Variants in CENPP observed in about 807,000 individuals in gnomAD.
CENPP encodes the protein centromere protein P.
A neutral mutation model predicts 35.6 loss-of-function variants in CENPP; 24 were observed. The observed-to-expected ratio is 0.67, with a 90% CI of 0.49 to 0.95. The LOEUF is 0.95. Ranked by LOEUF, CENPP falls within the 40% of genes least tolerant of loss-of-function variation. The pLI, the probability that CENPP is intolerant of heterozygous loss-of-function variation, is 0.00. For synonymous variants in CENPP, 120 were observed against 125.5 expected (o/e 0.96, Z 0.29); for missense variants, 332 against 345.3 (o/e 0.96, Z 0.31).
intron 4 of CENPP, among the ~76,000 whole-genome samples, chr9:92,348,685 C>A (rs974352106): frequency 1.3e-5 from 2 of 152,224 alleles, no homozygotes; most frequent in African/African-American, 2.4e-5. Context: ...AGCCACCGCA[C>A]CTGACCCTTT....
chr9:92,577,784 T>A (rs1466715703), intron 5 of CENPP, among the ~76,000 whole-genome samples: 2 of 151,636 alleles, frequency 1.3e-5, no homozygotes, highest in African/African-American at 2.4e-5. Flanking sequence ...ACCCTATCTT[T>A]TATTTATTTA....
chr9:92,373,658 T>C (rs1234165280), intron 4 of CENPP, among the ~76,000 whole-genome samples: 4 of 152,154 alleles, frequency 2.6e-5, no homozygotes, highest in East Asian at 1.9e-4. Flanking sequence ...AAACACCGTC[T>C]CTACTAAAAA....
chr9:92,592,374 G>A (rs1358477724), intron 5 of CENPP, among the ~76,000 whole-genome samples: 1 of 152,140 alleles, frequency 6.6e-6, no homozygotes, highest in Admixed American at 6.6e-5. Context: ...AACCTGATGT[G>A]TATGAAATCG....
intron 5 of CENPP, among the ~76,000 whole-genome samples, chr9:92,521,175 ATACT>A (rs921189255): frequency 4.6e-5 from 7 of 152,244 alleles, no homozygotes; most frequent in African/African-American, 1.2e-4. Flanking sequence ...CAACTTGGAA[ATACT>A]TAGTATATAT....
chr9:92,339,305 C>T (rs1841032444), intron 3 of CENPP, among the ~76,000 whole-genome samples: 1 of 152,208 alleles, frequency 6.6e-6, no homozygotes. Context: ...TTGTATGAGA[C>T]AGGACTTGGT....
chr9:92,519,851 A>G lies in CENPP; in HGVS notation c.565-91463A>G, dbSNP rs574230936. Among the ~76,000 whole-genome samples, 9 of 152,016 alleles carry G rather than the reference A, an allele frequency of 5.9e-5. No homozygotes were observed. The South Asian group carries it at 1.9e-3, about 31-fold the overall frequency. Reference sequence around the variant, plus strand: ...TTAAAAATTTGTTGCATCAAAGGACATTGTTAAGAAAGTGAAAGGATGGTG... The same window carrying G: ...TTAAAAATTTGTTGCATCAAAGGACGTTGTTAAGAAAGTGAAAGGATGGTG... On this transcript the variant is annotated intron_variant, in intron 5 of 7. Transcript: ENST00000375587.
At chr9:92,466,353 C>T (rs1006311203) in intron 5 of CENPP, 1 of 1,572,638 alleles carries the variant, frequency 6.4e-7, no homozygotes, top group Non-Finnish European at 8.7e-7. Flanking sequence ...ATTTGAAAAA[C>T]TTACCCAAAA....
rs1006000749 is a variant in CENPP at position 92,618,243 on chromosome 9, G to A, written c.*5094G>A. ...GAGTGCTTTGTGCAGGATGGTTCCA[G>A]TGCCTACACCCTAGGTCTGAGAAGC... On this transcript the variant is annotated 3_prime_UTR_variant, in exon 8 of 8. Coordinates refer to ENST00000375587, the MANE Select transcript of CENPP (RefSeq NM_001012267.3). The A allele has an allele frequency of 8.8e-6, 4 of 456,548 alleles. No homozygotes were observed. Among genetic ancestry groups the A allele is most frequent in the Admixed American group, 7.0e-5 (3 of 42,554 alleles). The allele number at this position is 456,548 out of a possible 1,614,324, so 28.3% of individuals were successfully genotyped here.
intron 5 of CENPP, among the ~76,000 whole-genome samples, chr9:92,451,054 C>A (rs958257041): frequency 1.1e-4 from 16 of 151,196 alleles, no homozygotes; most frequent in Non-Finnish European, 2.1e-4. Flanking sequence ...GTTGCCTGTT[C>A]ACTCTGATGG....
intron 5 of CENPP, among the ~76,000 whole-genome samples, chr9:92,394,690 C>T (rs532881515): frequency 4.0e-5 from 6 of 150,126 alleles, no homozygotes; most frequent in East Asian, 2.0e-4. Context: ...CTGCAGTCTC[C>T]GCCTCCCGGG....
At chr9:92,403,516 T>A in intron 5 of CENPP, 1 of 1,451,690 alleles carries the variant, frequency 6.9e-7, no homozygotes, top group Non-Finnish European at 9.1e-7. Flanking sequence ...CGAAGCAATA[T>A]TTAAAAGCTT....
In CENPP at chr9:92,603,111, G is replaced by A. The variant is rs535517614; in HGVS notation, c.565-8203G>A. ...GCCTCAAATTAAACTGTAAAAACACGACTGAGGCTCAGAGAGTTTAAAAGG... is the reference window on the plus strand; with the variant it reads ...GCCTCAAATTAAACTGTAAAAACACAACTGAGGCTCAGAGAGTTTAAAAGG... On this transcript the variant is annotated intron_variant, in intron 5 of 7. Transcript: ENST00000375587. Among the ~76,000 whole-genome samples the A allele has an allele frequency of 3.9e-5, 6 of 152,282 alleles. 1 individual carries two copies. The highest frequency in any genetic ancestry group is 2.0e-4 in the Admixed American group (3 of 15,298).
chr9:92,466,389 T>C, intron 5 of CENPP: 1 of 1,608,958 alleles, frequency 6.2e-7, no homozygotes, highest in Non-Finnish European at 8.5e-7. Context: ...TTCCTTTGAA[T>C]GTGTCCTTTT....
intron 5 of CENPP, among the ~76,000 whole-genome samples, chr9:92,435,439 G>GAT (rs1419125533): frequency 6.6e-6 from 1 of 152,104 alleles, no homozygotes; most frequent in Non-Finnish European, 1.5e-5. Flanking sequence ...TTCCCCTAAT[G>GAT]ATAACATCTT....
At chr9:92,577,929 C>A (rs1272088339) in intron 5 of CENPP, among the ~76,000 whole-genome samples, 5 of 148,156 alleles carry the variant, frequency 3.4e-5, no homozygotes, top group Non-Finnish European at 7.5e-5. Flanking sequence ...AGGTATATCT[C>A]CCAATGCTAT....
chr9:92,526,713 T>A (rs548354417), intron 5 of CENPP, among the ~76,000 whole-genome samples: 3 of 152,076 alleles, frequency 2.0e-5, no homozygotes, highest in South Asian at 2.1e-4. Flanking sequence ...CAAAATTTTT[T>A]AAAAAATAAA....
chr9:92,451,578 G>T (rs1270184402), intron 5 of CENPP, among the ~76,000 whole-genome samples: 1 of 152,056 alleles, frequency 6.6e-6, no homozygotes, highest in Non-Finnish European at 1.5e-5. Context: ...TTGGCGATGC[G>T]GGCTCTTTTT....
chr9:92,369,677 A>G (rs1187600740), intron 4 of CENPP, among the ~76,000 whole-genome samples: 5 of 152,228 alleles, frequency 3.3e-5, no homozygotes, highest in African/African-American at 9.6e-5. Context: ...ATTTTTGTAC[A>G]TTGATTTTGT....
chr9:92,367,578 C>A lies in CENPP; in HGVS notation c.468-12185C>A, dbSNP rs546885085. On this transcript the variant is annotated intron_variant, in intron 4 of 7. Transcript: ENST00000375587. ...CAACTGTTTCTTATGTTTCTTCTCA[C>A]CTAAAAAAATAAAATACAGTATACA... Among the ~76,000 whole-genome samples, 25 of 152,100 alleles carry A rather than the reference C, an allele frequency of 1.6e-4. 1 individual carries two copies. The highest frequency in any genetic ancestry group is 5.8e-4 in the African/African-American group (24 of 41,486).
Sources: gnomAD v4.1 joint callset for allele counts (sites outside exome capture counted in the v4.1 genomes callset) on GRCh38, gnomAD v4.1.1 for gene constraint, MANE v1.5 for transcripts, NCBI Gene and HGNC (gene_info 2026-07-23, HGNC 2026-07-21) for gene names.